The following CSNK1G1 variants were observed in gnomAD, a reference collection of about 807,000 sequenced individuals.
The protein encoded by CSNK1G1 is casein kinase I isoform gamma-1.
A neutral mutation model predicts 59.6 loss-of-function variants in CSNK1G1; 22 were observed. The ratio of observed to expected loss-of-function variants is 0.37; its 90% CI spans 0.26 to 0.53. The LOEUF (loss-of-function observed/expected upper bound fraction) is 0.53. Among genes scored for constraint, CSNK1G1 ranks in the 20% least tolerant of loss-of-function variants. CSNK1G1 has a pLI of 0.89. For synonymous variants in CSNK1G1, 179 were observed against 177.1 expected (o/e 1.01, Z -0.08); for missense variants, 384 against 519.5 (o/e 0.74, Z 2.54).
rs757468163 is a variant in CSNK1G1 at position 64,168,695 on chromosome 15, G to A, written c.*3236C>T. On this transcript the variant is annotated 3_prime_UTR_variant, in exon 12 of 12. Coordinates refer to ENST00000303052, the MANE Select transcript of CSNK1G1 (RefSeq NM_022048.5). ...AAGTGGATGGGTGGGGACAGTCAGC[G>A]AGTGCATGCCCTAACCCCAAGGATC... 5.3e-5 allele frequency: 8 copies of A among 152,232 alleles called. No individual in the cohort carries two copies. The highest frequency in any genetic ancestry group is 7.3e-5 in the Non-Finnish European group (5 of 68,040). 9.4% of individuals were successfully genotyped at this position (152,232 alleles called of 1,614,324 possible).
intron 3 of CSNK1G1, among the ~76,000 whole-genome samples, chr15:64,253,966 C>G (rs1038876028): frequency 4.8e-4 from 73 of 152,132 alleles, no homozygotes; most frequent in Middle Eastern, 3.4e-3. Flanking sequence ...ACGGTGAAAC[C>G]CCGTCTCTAC....
chr15:64,278,181 G>A (rs1489321459), intron 2 of CSNK1G1, among the ~76,000 whole-genome samples: 4 of 150,826 alleles, frequency 2.7e-5, no homozygotes, highest in Admixed American at 2.7e-4. Flanking sequence ...CGAGTAGCTG[G>A]GATTACACGT....
intron 1 of CSNK1G1, among the ~76,000 whole-genome samples, chr15:64,331,864 G>C (rs1897127819): frequency 6.7e-6 from 1 of 148,190 alleles, no homozygotes; most frequent in East Asian, 2.0e-4. Flanking sequence ...GTGGGCGAAG[G>C]ACATGAACAG....
chr15:64,258,033 A>G (rs1306196908), intron 3 of CSNK1G1, among the ~76,000 whole-genome samples: 2 of 152,118 alleles, frequency 1.3e-5, no homozygotes, highest in Non-Finnish European at 2.9e-5. Context: ...TCAGTTCCTC[A>G]CAAGACAACC....
intron 1 of CSNK1G1, among the ~76,000 whole-genome samples, chr15:64,333,830 G>A (rs973647059): frequency 5.9e-5 from 9 of 151,972 alleles, no homozygotes; most frequent in African/African-American, 1.5e-4. Flanking sequence ...ATGATAAAAG[G>A]ATCAATTTAA....
chr15:64,191,864 T>C (rs906575914), intron 10 of CSNK1G1, among the ~76,000 whole-genome samples: 10 of 152,194 alleles, frequency 6.6e-5, no homozygotes, highest in African/African-American at 2.4e-4. Flanking sequence ...GGAAGCAAGT[T>C]TTCGGTAAGA....
chr15:64,214,739 A>T lies in CSNK1G1; in HGVS notation c.445-615T>A, dbSNP rs1363543211. On this transcript the variant is annotated intron_variant, in intron 5 of 11. Coordinates refer to ENST00000303052, the MANE Select transcript of CSNK1G1 (RefSeq NM_022048.5). The surrounding 1 kb of genome is among the most constrained non-coding windows in gnomAD (Gnocchi z 4.3). ...GTGCAGCCTCAGCCTCCTGGGTTCT[A>T]GCAATTCTCGTGCCTCAGCCTCCCG... is the stretch of plus-strand genomic sequence containing the variant. Among the ~76,000 whole-genome samples the T allele has an allele frequency of 6.6e-6, 1 of 151,848 alleles. No individual in the cohort carries two copies. The highest frequency in any genetic ancestry group is 2.4e-5 in the African/African-American group (1 of 41,330).
At chr15:64,293,497 C>T (rs1894851191) in intron 2 of CSNK1G1, among the ~76,000 whole-genome samples, 1 of 152,194 alleles carries the variant, frequency 6.6e-6, no homozygotes, top group Admixed American at 6.5e-5. Flanking sequence ...CACACATACA[C>T]ACAAAGTGAA....
intron 4 of CSNK1G1, among the ~76,000 whole-genome samples, chr15:64,233,720 G>A (rs558460143): frequency 3.3e-5 from 5 of 152,104 alleles, no homozygotes; most frequent in Admixed American, 1.3e-4. Flanking sequence ...TTGCAAACTA[G>A]TATAGCTAAA....
chr15:64,314,442 A>C (rs1393095125), intron 1 of CSNK1G1, among the ~76,000 whole-genome samples: 1 of 152,012 alleles, frequency 6.6e-6, no homozygotes, highest in Non-Finnish European at 1.5e-5. Flanking sequence ...AATTAAATCA[A>C]GCTAGTTAAC....
rs956947409 is a variant in CSNK1G1, at chr15:64,166,236, T to C, written c.*5695A>G. 3 of 413,016 alleles carry C rather than the reference T, an allele frequency of 7.3e-6. No homozygotes were observed. Among genetic ancestry groups the C allele is most frequent in the Non-Finnish European group, 1.3e-5 (3 of 234,616 alleles). 25.6% of individuals were successfully genotyped at this position (413,016 alleles called of 1,614,324 possible). On this transcript the variant is annotated 3_prime_UTR_variant, in exon 12 of 12. Coordinates refer to ENST00000303052, the MANE Select transcript of CSNK1G1 (RefSeq NM_022048.5). This position sits in a 1 kb window ranked among gnomAD's most constrained non-coding sequence, Gnocchi z 4.5. ...TTTTTAAGAGTACAATGGGCAAAGA[T>C]CAAAGACAGATAAATAATAATATAA...
At chr15:64,249,305 G>T (rs146388423) in intron 4 of CSNK1G1, among the ~76,000 whole-genome samples, 1 of 152,244 alleles carries the variant, frequency 6.6e-6, no homozygotes, top group East Asian at 1.9e-4. Flanking sequence ...TTACACTAGC[G>T]GGTAGGGGTA....
intron 4 of CSNK1G1, among the ~76,000 whole-genome samples, chr15:64,218,677 C>T (rs1002087858): frequency 1.8e-4 from 27 of 152,116 alleles, no homozygotes; most frequent in African/African-American, 6.0e-4. Context: ...GCGAGAGCTA[C>T]CATGCCCGGC....
chr15:64,216,616 G>A lies in CSNK1G1; in HGVS notation c.390C>T (p.Asp130=). The change falls in exon 5 of 12, where the codon GAC becomes GAT. Residue 130 remains aspartate (D), a synonymous_variant. Transcript: ENST00000303052. The surrounding 1 kb of genome is among the most constrained non-coding windows in gnomAD (Gnocchi z 4.6). ...TCAAAGTAAATGTTCGGTCACAGAG[G>A]TCAAACAAGTCCTCCAAGCTAGGGC... ...LLGPSLEDLF[D]LCDRTFTLKT... is the part of the protein sequence containing the mutation. 6.2e-7 allele frequency: 1 copy of A among 1,613,894 alleles called. No homozygotes were observed. Among genetic ancestry groups the A allele is most frequent in the Non-Finnish European group, 8.5e-7 (1 of 1,179,854 alleles).
At chr15:64,339,564 C>G (rs182814592) in intron 1 of CSNK1G1, among the ~76,000 whole-genome samples, 2 of 152,140 alleles carry the variant, frequency 1.3e-5, no homozygotes, top group African/African-American at 4.8e-5. Flanking sequence ...CCACCCGCCT[C>G]GGCCTCCCAA....
intron 1 of CSNK1G1, among the ~76,000 whole-genome samples, chr15:64,309,861 G>T (rs1895896819): frequency 6.6e-6 from 1 of 152,082 alleles, no homozygotes; most frequent in Admixed American, 6.6e-5. Flanking sequence ...TATAATCCTA[G>T]AACTTTGGGA....
At chr15:64,276,172 C>G (rs1341154921) in intron 2 of CSNK1G1, among the ~76,000 whole-genome samples, 1 of 152,060 alleles carries the variant, frequency 6.6e-6, no homozygotes, top group African/African-American at 2.4e-5. Flanking sequence ...GACTCATACT[C>G]CATTTTTCAG....
intron 10 of CSNK1G1, among the ~76,000 whole-genome samples, chr15:64,193,308 G>A (rs1373449990): frequency 6.6e-6 from 1 of 151,838 alleles, no homozygotes; most frequent in Non-Finnish European, 1.5e-5. Context: ...TGGCCAACAC[G>A]GTGAAACCCC....
At chr15:64,265,862 T>G (rs72756968) in intron 2 of CSNK1G1, 1 of 456,008 alleles carries the variant, frequency 2.2e-6, no homozygotes, top group Non-Finnish European at 4.4e-6. Context: ...GGCAGGAGGA[T>G]CATTTCAGGC....
Sources: allele counts gnomAD v4.1 joint callset (sites outside exome capture counted in the v4.1 genomes callset), GRCh38; gene constraint gnomAD v4.1.1; non-coding constraint Gnocchi (gnomAD v3.1); transcripts MANE v1.5; gene names NCBI Gene and HGNC (gene_info 2026-07-23, HGNC 2026-07-21).